The following CDC73 variants were observed in gnomAD, a reference collection of about 807,000 sequenced individuals.
CDC73 encodes parafibromin.
A neutral mutation model predicts 83.7 loss-of-function variants in CDC73; 21 were observed. That is an observed-to-expected ratio of 0.25 (90% CI 0.18 to 0.36). The LOEUF (loss-of-function observed/expected upper bound fraction) is 0.36. Among genes scored for constraint, CDC73 ranks in the 10% least tolerant of loss-of-function variants. The pLI, the probability that CDC73 is intolerant of heterozygous loss-of-function variation, is 1.00. For missense variants in CDC73, 342 were observed against 653.3 expected (o/e 0.52, Z 5.19); for synonymous variants, 224 against 212.9 (o/e 1.05, Z -0.45).
At chr1:193,167,478 C>T (rs1375540574) in intron 10 of CDC73, among the ~76,000 whole-genome samples, 2 of 152,076 alleles carry the variant, frequency 1.3e-5, no homozygotes, top group Admixed American at 1.3e-4. Context: ...GATGTTGCTA[C>T]ACCATGACCT....
chr1:193,196,275 C>A (rs865837136), intron 10 of CDC73, among the ~76,000 whole-genome samples: 14 of 152,250 alleles, frequency 9.2e-5, no homozygotes, highest in Middle Eastern at 3.4e-3. Context: ...GGTCTGGACA[C>A]CCTTGTCAAA....
intron 2 of CDC73, among the ~76,000 whole-genome samples, chr1:193,127,288 A>ATTGT (rs747114430): frequency 8.5e-4 from 58 of 68,176 alleles, no homozygotes; most frequent in African/African-American, 3.0e-3. Flanking sequence ...AAAAAAAAAA[A>ATTGT]ATGTGTGTGT....
intron 11 of CDC73, among the ~76,000 whole-genome samples, chr1:193,210,512 G>T (rs1385752786): frequency 6.6e-6 from 1 of 152,168 alleles, no homozygotes; most frequent in Non-Finnish European, 1.5e-5. Flanking sequence ...ATCCTAAGAT[G>T]TATTCATCTT....
intron 8 of CDC73, among the ~76,000 whole-genome samples, chr1:193,148,931 ACT>A (rs1293782187): frequency 2.0e-5 from 3 of 151,636 alleles, no homozygotes; most frequent in African/African-American, 7.3e-5. Context: ...TATTTTTAAA[ACT>A]CTGTTTCAAG....
chr1:193,210,224 T>A (rs1222393323), intron 11 of CDC73, among the ~76,000 whole-genome samples: 3 of 152,204 alleles, frequency 2.0e-5, no homozygotes, highest in African/African-American at 7.2e-5. Context: ...CCTATGACAG[T>A]TTATCACAAT....
intron 10 of CDC73, among the ~76,000 whole-genome samples, chr1:193,164,394 T>G (rs933715850): frequency 1.3e-5 from 2 of 152,190 alleles, no homozygotes; most frequent in African/African-American, 4.8e-5. Context: ...TAAGTAATGT[T>G]AGTATACCAT....
chr1:193,124,570 T>C (rs1675529746), intron 1 of CDC73, among the ~76,000 whole-genome samples: 1 of 152,196 alleles, frequency 6.6e-6, no homozygotes, highest in Non-Finnish European at 1.5e-5. Context: ...GACTACATTG[T>C]TTTATCACAG....
intron 10 of CDC73, among the ~76,000 whole-genome samples, chr1:193,174,047 AAATTGTAAATTTTTTTC>A (rs1259979684): frequency 1.3e-5 from 2 of 152,174 alleles, no homozygotes; most frequent in African/African-American, 4.8e-5. Flanking sequence ...AATGAAAATA[AAATTGTAAATTTTTTTC>A]CCATTACGTT....
intron 13 of CDC73, among the ~76,000 whole-genome samples, chr1:193,223,407 C>A (rs1046795211): frequency 1.3e-5 from 2 of 152,046 alleles, no homozygotes; most frequent in African/African-American, 4.8e-5. Flanking sequence ...AAATTAAATT[C>A]TCTATTGGAG....
intron 2 of CDC73, among the ~76,000 whole-genome samples, chr1:193,127,143 A>C (rs1032746609): frequency 6.6e-6 from 1 of 151,878 alleles, no homozygotes; most frequent in Non-Finnish European, 1.5e-5. Context: ...GGTAGTGTGC[A>C]CCTATACTCC....
At chr1:193,157,386 A>C (rs1350119404) in intron 10 of CDC73, among the ~76,000 whole-genome samples, 1 of 152,216 alleles carries the variant, frequency 6.6e-6, no homozygotes, top group Non-Finnish European at 1.5e-5. Flanking sequence ...TGATGGAGTC[A>C]TTCATTGTGC....
chr1:193,204,757 T>C (rs1184969801), intron 11 of CDC73, among the ~76,000 whole-genome samples: 1 of 152,232 alleles, frequency 6.6e-6, no homozygotes, highest in African/African-American at 2.4e-5. Context: ...GTTTTCATTT[T>C]GGTTAAGATT....
chr1:193,180,205 A>G lies in CDC73; in HGVS notation c.973-23590A>G, dbSNP rs1457769535. The G allele has an allele frequency of 3.4e-5, 41 of 1,206,168 alleles. No individual in the cohort carries two copies. In the East Asian group the frequency reaches 5.4e-4, roughly 16 times the overall value. 74.7% of individuals were successfully genotyped at this position (1,206,168 alleles called of 1,614,324 possible). Reference sequence around the variant, plus strand: ...TTTCTTTATGTGATGAGTTTTAACTAAAACTTGTCCTACGGATGTAATCAG... The same window carrying G: ...TTTCTTTATGTGATGAGTTTTAACTGAAACTTGTCCTACGGATGTAATCAG... On this transcript the variant is annotated intron_variant, in intron 10 of 16. Transcript: ENST00000367435.
rs562844069 is a variant in CDC73 at position 193,222,672 on chromosome 1, G to C, written c.1154+10195G>C. Among the ~76,000 whole-genome samples the C allele has an allele frequency of 2.0e-5, 3 of 151,514 alleles. No homozygotes were observed. The South Asian group carries it at 6.3e-4, about 32-fold the overall frequency. On this transcript the variant is annotated intron_variant, in intron 13 of 16. Coordinates refer to ENST00000367435, the MANE Select transcript of CDC73 (RefSeq NM_024529.5). The stretch of plus-strand genomic sequence containing the variant: ...GATTTCTTTTTTATATACCCCACTT[G>C]GAATTTGTCAGAATTAAATCTGCGT...
At chr1:193,174,668 A>G (rs897517942) in intron 10 of CDC73, among the ~76,000 whole-genome samples, 2 of 152,090 alleles carry the variant, frequency 1.3e-5, no homozygotes, top group Admixed American at 1.3e-4. Flanking sequence ...GGCGAATCAG[A>G]TTCTTTATAC....
chr1:193,147,758 A>C, intron 7 of CDC73, 109 bp from the exon 8 acceptor site: 1 of 725,306 alleles, frequency 1.4e-6, no homozygotes, highest in South Asian at 1.5e-5. Flanking sequence ...ACCTTATGAC[A>C]TATGTAGTAG....
intron 14 of CDC73, 83 bp downstream of exon 14, chr1:193,233,237 CT>C: frequency 1.5e-6 from 2 of 1,294,702 alleles, no homozygotes; most frequent in Non-Finnish European, 2.2e-6. Context: ...GATGACGTTG[CT>C]TTTTAAGAGA....
At chr1:193,149,795 A>G (rs1035624727) in intron 8 of CDC73, among the ~76,000 whole-genome samples, 2 of 152,152 alleles carry the variant, frequency 1.3e-5, no homozygotes, top group Non-Finnish European at 2.9e-5. Flanking sequence ...TTGATAAAGT[A>G]TTTGTGATTA....
intron 10 of CDC73, among the ~76,000 whole-genome samples, chr1:193,188,805 AC>A (rs201709731): frequency 4.0e-5 from 6 of 150,712 alleles, no homozygotes; most frequent in African/African-American, 1.2e-4. Context: ...TTCCAGTGGG[AC>A]CCCCCCGCCC....
Sources: gnomAD v4.1 joint callset for allele counts (sites outside exome capture counted in the v4.1 genomes callset) on GRCh38, gnomAD v4.1.1 for gene constraint, MANE v1.5 for transcripts, NCBI Gene and HGNC (gene_info 2026-07-23, HGNC 2026-07-21) for gene names.